SIGLEC5: variants seen among roughly 807,000 people sequenced by gnomAD.
SIGLEC5 encodes the protein sialic acid-binding Ig-like lectin 5.
SIGLEC5 carries 34 observed loss-of-function variants against 45.9 expected under a neutral mutation model. The observed-to-expected ratio is 0.74, with a 90% CI of 0.56 to 0.99. The LOEUF is 0.99. Among genes scored for constraint, SIGLEC5 ranks in the 50% least tolerant of loss-of-function variants. The pLI, the probability that SIGLEC5 is intolerant of heterozygous loss-of-function variation, is 0.00. For synonymous variants in SIGLEC5, 203 were observed against 258.6 expected (o/e 0.79, Z 2.06); for missense variants, 508 against 629.6 (o/e 0.81, Z 2.07).
intron 8 of SIGLEC5, among the ~76,000 whole-genome samples, chr19:51,617,112 G>A (rs546130186): frequency 6.6e-6 from 1 of 151,216 alleles, no homozygotes; most frequent in Admixed American, 6.6e-5. Context: ...AAAATTAGCC[G>A]GGCATGGTGG....
intron 8 of SIGLEC5, chr19:51,621,784 A>G (rs1983294433): frequency 6.6e-6 from 1 of 152,020 alleles, no homozygotes; most frequent in South Asian, 2.1e-4. Context: ...TTTAATTACA[A>G]AAAAAAACCC....
intron 8 of SIGLEC5, among the ~76,000 whole-genome samples, chr19:51,615,403 TTCTC>T (rs374982792): frequency 3.4e-4 from 52 of 152,290 alleles, no homozygotes; most frequent in African/African-American, 1.1e-3. Context: ...TTCTGCTCCT[TTCTC>T]TCCTCTACCC....
rs145933843 is a variant in SIGLEC5, at chr19:51,627,218, G to A, written c.1313C>T (p.Pro438Leu). 5 of 1,614,102 alleles carry A rather than the reference G, an allele frequency of 3.1e-6. No homozygotes were observed. Among genetic ancestry groups the A allele is most frequent in the Non-Finnish European group, 4.2e-6 (5 of 1,180,020 alleles). ...GRSNLGTGVV[P>L]AALGGAGVMA... ...GACACCAGCACCACCAAGGGCTGCA[G>A]GAACCACTCCTGTCCCGAGGTTCGA... Residue 438 changes from proline (P) to leucine (L), a missense_variant, in exon 7 of 9, where the codon CCT (proline) becomes CTT (leucine). Transcript: ENST00000683636.
At chr19:51,629,202 G>A (rs189514427) in intron 3 of SIGLEC5, 126 bp from the exon 4 acceptor site, 9 of 1,525,718 alleles carry the variant, frequency 5.9e-6, no homozygotes, top group Middle Eastern at 2.3e-4. Context: ...CTCACTCCCC[G>A]CAGATCCCAA....
chr19:51,627,661 G>A lies in SIGLEC5; in HGVS notation c.1083C>T (p.Pro361=), dbSNP rs776721147. 6.2e-7 allele frequency: 1 copy of A among 1,611,466 alleles called. No individual in the cohort carries two copies. Among genetic ancestry groups the A allele is most frequent in the Non-Finnish European group, 8.5e-7 (1 of 1,179,334 alleles). Residue 361 remains proline, a synonymous_variant, in exon 6 of 9, where the codon CCC becomes CCT. Transcript: ENST00000683636. ...CRCSFRARPA[P]SLCWRLEEKP... is the part of the protein sequence containing the mutation. Reference sequence around the variant, plus strand: ...TCTCCTCAAGCCGCCAGCACAGGGAGGGGGCCGGCCGGGCTCGAAAGGAGC... The same window carrying A: ...TCTCCTCAAGCCGCCAGCACAGGGAAGGGGCCGGCCGGGCTCGAAAGGAGC...
intron 4 of SIGLEC5, 42 bp downstream of exon 4, chr19:51,628,996 C>A: frequency 1.9e-6 from 3 of 1,590,398 alleles, no homozygotes; most frequent in Non-Finnish European, 2.6e-6. Flanking sequence ...CAGAGACAGA[C>A]CCAGAGGCAG....
At chr19:51,619,244 G>A (rs906824542) in intron 8 of SIGLEC5, among the ~76,000 whole-genome samples, 4 of 152,082 alleles carry the variant, frequency 2.6e-5, no homozygotes, top group African/African-American at 9.7e-5. Context: ...AGCATGCCCA[G>A]GTAATTTTTA....
rs150210009 is a variant in SIGLEC5, at chr19:51,626,048, A to G, written c.1448T>C (p.Met483Thr). The G allele has an allele frequency of 1.2e-6, 2 of 1,613,856 alleles. No individual in the cohort carries two copies. The highest frequency in any genetic ancestry group is 1.1e-5 in the South Asian group (1 of 91,062). The change falls in exon 8 of 9, where the codon ATG (methionine) becomes ACG (threonine). Residue 483 changes from methionine to threonine, a missense_variant. By Grantham distance (81) the Met-to-Thr change is moderately conservative (BLOSUM62 -1). Around this residue, in one of 2 missense-constraint regions of SIGLEC5, gnomAD observed 431 missense variants for 428.8 expected, o/e 1.01. Transcript: ENST00000683636. Reference protein sequence around the residue: ...PEKMDDEDPIMGTITSGSRKK... With the variant: ...PEKMDDEDPITGTITSGSRKK... ...ACCACTCACCGAGGTGATGGTACCC[A>G]TAATGGGGTCTTCATCATCCATTTT...
intron 8 of SIGLEC5, among the ~76,000 whole-genome samples, chr19:51,615,785 T>C (rs1036427819): frequency 2.6e-5 from 4 of 152,214 alleles, no homozygotes; most frequent in African/African-American, 7.2e-5. Context: ...CAGTCATTTC[T>C]CTTTTTTTGA....
rs779871559 is a variant in SIGLEC5, at chr19:51,626,028, T to G, written c.1464+4A>C. The G allele has an allele frequency of 6.8e-6, 11 of 1,612,556 alleles. No homozygotes were observed. The highest frequency in any genetic ancestry group is 1.7e-5 in the Admixed American group (1 of 59,998). On this transcript the variant is annotated splice_donor_region_variant and intron_variant, in intron 8 of 8. Transcript: ENST00000683636. ...GCACATGAGAAGATCCCCAAACCAC[T>G]CACCGAGGTGATGGTACCCATAATG...
intron 8 of SIGLEC5, among the ~76,000 whole-genome samples, chr19:51,616,860 G>A (rs867957465): frequency 4.8e-5 from 6 of 125,862 alleles, no homozygotes; most frequent in Admixed American, 9.9e-5. Context: ...GCAGTGAGCC[G>A]AGATTGTGCC....
rs1287137420 is a variant in SIGLEC5 at position 51,630,232 on chromosome 19, A to G, written c.38-16T>C. 2 of 632,470 alleles carry G rather than the reference A, an allele frequency of 3.2e-6. No homozygotes were observed. Among genetic ancestry groups the G allele is most frequent in the African/African-American group, 6.4e-5 (2 of 31,116 alleles). The allele number at this position is 632,470 out of a possible 1,614,324, so 39.2% of individuals were successfully genotyped here. A position where few individuals can be genotyped will look rare whatever the true frequency, so the allele number is the denominator to read the frequency against. On this transcript the variant is annotated splice_polypyrimidine_tract_variant and intron_variant, in intron 1 of 8. Transcript: ENST00000683636. Reference sequence around the variant, plus strand: ...TGCAGGGACCCTGGGGGGACACAGAAGCTCAGCTGCAGCTCCAGCCCCCCT... The same window carrying G: ...TGCAGGGACCCTGGGGGGACACAGAGGCTCAGCTGCAGCTCCAGCCCCCCT...
At chr19:51,628,127 G>A (rs1402063741) in intron 4 of SIGLEC5, 36 bp from the exon 5 acceptor site, 1 of 1,493,632 alleles carries the variant, frequency 6.7e-7, no homozygotes, top group African/African-American at 1.4e-5. Context: ...GAGAGATGGG[G>A]CCAGGGAGGC....
chr19:51,621,604 A>C (rs889373686), intron 8 of SIGLEC5: 3 of 152,388 alleles, frequency 2.0e-5, no homozygotes, highest in African/African-American at 7.2e-5. Context: ...AGCTGCTTTG[A>C]TTCAGCAAGC....
rs1350108013 is a variant in SIGLEC5, at chr19:51,612,169, C to G, written c.*62G>C. The G allele has an allele frequency of 2.8e-6, 4 of 1,406,652 alleles. No individual in the cohort carries two copies. Among genetic ancestry groups the G allele is most frequent in the Non-Finnish European group, 3.9e-6 (4 of 1,038,466 alleles). 87.1% of individuals were successfully genotyped at this position (1,406,652 alleles called of 1,614,324 possible). A position where few individuals can be genotyped will look rare whatever the true frequency, so the allele number is the denominator to read the frequency against. On this transcript the variant is annotated 3_prime_UTR_variant, in exon 9 of 9. Coordinates refer to ENST00000683636, the MANE Select transcript of SIGLEC5 (RefSeq NM_003830.4). ...TCGTGCTTCAGCAAGTGGTCCCTGA[C>G]TTGTCCTTTCCCCCAGACAGGCTGT...
chr19:51,629,488 G>A lies in SIGLEC5; in HGVS notation c.570C>T (p.Pro190=), dbSNP rs200210701. Residue 190 remains proline, a synonymous_variant, in exon 3 of 9, where the codon CCC becomes CCT. Coordinates refer to ENST00000683636, the MANE Select transcript of SIGLEC5 (RefSeq NM_003830.4). ...TGAGCTCCGAGGAGCGGGTGGTCTC[G>A]GGGTCCAGGGGGCTGAGGGCATTCC... ...WTGNALSPLD[P]ETTRSSELTL... is the part of the protein sequence containing the mutation. The A allele has an allele frequency of 1.5e-3, 2,415 of 1,591,054 alleles. 9 individuals carry two copies. Among genetic ancestry groups the A allele is most frequent in the East Asian group, 0.015 (669 of 44,332 alleles).
intron 8 of SIGLEC5, among the ~76,000 whole-genome samples, chr19:51,623,050 T>C (rs760326845): frequency 2.0e-5 from 3 of 152,244 alleles, no homozygotes; most frequent in Non-Finnish European, 4.4e-5. Context: ...CTGGATTGTT[T>C]GCAACTCAAC....
intron 8 of SIGLEC5, among the ~76,000 whole-genome samples, chr19:51,622,498 A>G (rs1983330789): frequency 6.6e-6 from 1 of 151,780 alleles, no homozygotes; most frequent in South Asian, 2.1e-4. Flanking sequence ...TGGTCAAGAT[A>G]CTATTGAAGG....
intron 8 of SIGLEC5, among the ~76,000 whole-genome samples, chr19:51,616,148 G>A (rs1983046417): frequency 6.6e-6 from 1 of 152,182 alleles, no homozygotes; most frequent in Non-Finnish European, 1.5e-5. Flanking sequence ...AAGAAACACT[G>A]CCAGAGTAGC....
Sources: allele counts gnomAD v4.1 joint callset (sites outside exome capture counted in the v4.1 genomes callset), GRCh38; gene constraint gnomAD v4.1.1; regional missense constraint gnomAD v4.1.1; transcripts MANE v1.5; gene names NCBI Gene and HGNC (gene_info 2026-07-23, HGNC 2026-07-21).